The following ADGRV1 variants were observed in gnomAD, a reference collection of about 807,000 sequenced individuals.
The protein encoded by ADGRV1 is adhesion G protein-coupled receptor V1, also known as G-protein coupled receptor 98.
ADGRV1 carries 359 observed loss-of-function variants against 596.2 expected under a neutral mutation model. The ratio of observed to expected loss-of-function variants is 0.60; its 90% CI spans 0.55 to 0.66. The LOEUF (loss-of-function observed/expected upper bound fraction) is 0.66. Ranked by LOEUF, ADGRV1 falls within the 30% of genes least tolerant of loss-of-function variation. The pLI is 0.00. For synonymous variants in ADGRV1, 2,681 were observed against 2,679.2 expected (o/e 1.00, Z -0.02); for missense variants, 7,274 against 7,575.6 (o/e 0.96, Z 1.48).
intron 85 of ADGRV1, among the ~76,000 whole-genome samples, chr5:91,065,319 T>C (rs1295883115): frequency 6.6e-6 from 1 of 152,206 alleles, no homozygotes; most frequent in East Asian, 1.9e-4. Flanking sequence ...ATCATGACTA[T>C]TATCCTTGTC....
intron 78 of ADGRV1, among the ~76,000 whole-genome samples, chr5:90,842,511 G>C (rs1765521952): frequency 6.6e-6 from 1 of 152,122 alleles, no homozygotes; most frequent in South Asian, 2.1e-4. Flanking sequence ...TTGAGGTCAG[G>C]AGTTCAAGAC....
intron 65 of ADGRV1, among the ~76,000 whole-genome samples, chr5:90,782,117 C>A (rs1045845612): frequency 6.6e-6 from 1 of 152,040 alleles, no homozygotes; most frequent in Non-Finnish European, 1.5e-5. Flanking sequence ...GAGATGGCTG[C>A]CTTTCTAGGA....
chr5:90,952,559 T>C (rs184307017), intron 83 of ADGRV1, among the ~76,000 whole-genome samples: 1 of 152,268 alleles, frequency 6.6e-6, no homozygotes, highest in East Asian at 1.9e-4. Flanking sequence ...GATCTATAGA[T>C]ATCCAGGACA....
chr5:90,558,827 G>C lies in ADGRV1; in HGVS notation c.-69G>C. 6.7e-7 allele frequency: 1 copy of C among 1,493,208 alleles called. No individual in the cohort carries two copies. Among genetic ancestry groups the C allele is most frequent in the Non-Finnish European group, 9.2e-7 (1 of 1,092,766 alleles). The allele number at this position is 1,493,208 out of a possible 1,614,324, so 92.5% of individuals were successfully genotyped here. On this transcript the variant is annotated 5_prime_UTR_variant, in exon 1 of 90. Coordinates refer to ENST00000405460, the MANE Select transcript of ADGRV1 (RefSeq NM_032119.4). ...TAAGAATCAGCAGCGCGGGCAAGGA[G>C]TACGGACGGGAGTCAGAGGCAGAGC...
At chr5:90,968,438 G>A (rs181791376) in intron 84 of ADGRV1, among the ~76,000 whole-genome samples, 14 of 152,272 alleles carry the variant, frequency 9.2e-5, no homozygotes, top group African/African-American at 3.4e-4. Context: ...CTTTGAGTTA[G>A]GTAAATATGA....
chr5:90,613,803 G>C (rs1314039845), intron 1 of ADGRV1, among the ~76,000 whole-genome samples: 2 of 152,098 alleles, frequency 1.3e-5, no homozygotes, highest in African/African-American at 2.4e-5. Context: ...TATTTGGCGT[G>C]TCTAAGTATA....
intron 83 of ADGRV1, among the ~76,000 whole-genome samples, chr5:90,884,565 A>G (rs1363223992): frequency 6.6e-6 from 1 of 152,126 alleles, no homozygotes; most frequent in African/African-American, 2.4e-5. Context: ...GGTATGTATC[A>G]GGTGCCTATG....
intron 87 of ADGRV1, among the ~76,000 whole-genome samples, chr5:91,136,654 G>T (rs75262345): frequency 0.02 from 3,086 of 152,214 alleles, 113 homozygotes; most frequent in African/African-American, 0.07. Context: ...TATTTGAGAT[G>T]CATAAAAATC....
chr5:90,916,504 C>A (rs988458960), intron 83 of ADGRV1, among the ~76,000 whole-genome samples: 1 of 152,008 alleles, frequency 6.6e-6, no homozygotes, highest in Non-Finnish European at 1.5e-5. Context: ...CATGTGCACC[C>A]CAGGTAAAGA....
At chr5:90,972,453 T>C (rs1045125873) in intron 84 of ADGRV1, among the ~76,000 whole-genome samples, 1 of 152,168 alleles carries the variant, frequency 6.6e-6, no homozygotes, top group African/African-American at 2.4e-5. Flanking sequence ...TAGTTGGAAG[T>C]AAAGCACTCC....
intron 1 of ADGRV1, among the ~76,000 whole-genome samples, chr5:90,591,821 CA>C (rs1554054440): frequency 3.3e-5 from 5 of 152,224 alleles, no homozygotes. Context: ...GAATGGTTAA[CA>C]TAACTTAGGC....
At chr5:90,617,735 A>T in intron 2 of ADGRV1, 69 bp from the exon 3 acceptor site, 1 of 1,275,684 alleles carries the variant, frequency 7.8e-7, no homozygotes, top group Non-Finnish European at 1.1e-6. Context: ...TGATTGCTGT[A>T]ATTAACATCA....
At chr5:90,580,456 T>C (rs187897696) in intron 1 of ADGRV1, among the ~76,000 whole-genome samples, 1 of 152,176 alleles carries the variant, frequency 6.6e-6, no homozygotes, top group Admixed American at 6.5e-5. Context: ...TTTGGTCTTT[T>C]CACATAGTCC....
rs928754997 is a variant in ADGRV1, at chr5:90,627,295, G to A, written c.757G>A (p.Glu253Lys). ...GATTAACACCTCTAGGAATTCCATT[G>A]AGATCATCATTAAGAAAAATGATAG... ...AEINTSRNSI[E>K]IIIKKNDSPV... is the part of the protein sequence containing the mutation. Residue 253 changes from glutamate (E) to lysine (K), a missense_variant, in exon 7 of 90, where the codon GAG (glutamate) becomes AAG (lysine). Glu to Lys is a moderately conservative substitution (Grantham distance 56). This residue lies in a region of ADGRV1 where 1,715 missense variants were observed against 1,708.8 expected (regional missense o/e 1.00). Coordinates refer to ENST00000405460, the MANE Select transcript of ADGRV1 (RefSeq NM_032119.4). The A allele has an allele frequency of 1.9e-6, 3 of 1,612,308 alleles. No homozygotes were observed. In the East Asian group the frequency reaches 6.7e-5, roughly 36 times the overall value.
At chr5:91,105,039 T>C (rs1406825128) in intron 87 of ADGRV1, among the ~76,000 whole-genome samples, 2 of 151,898 alleles carry the variant, frequency 1.3e-5, no homozygotes, top group Non-Finnish European at 2.9e-5. Context: ...GTTTGTTTGT[T>C]TGTTTGTTTT....
rs574764143 is a variant in ADGRV1, at chr5:90,773,037, C to A, written c.12286-1149C>A. On this transcript the variant is annotated intron_variant, in intron 59 of 89. Transcript: ENST00000405460. ...ACAAAAATTAGCTGAGCATGGTTAA[C>A]GCACACCTGTAATCCTAGCTATTCG... Among the ~76,000 whole-genome samples, 167 of 152,118 alleles carry A rather than the reference C, an allele frequency of 1.1e-3. 1 individual carries two copies. The highest frequency in any genetic ancestry group is 3.9e-3 in the African/African-American group (161 of 41,492).
intron 59 of ADGRV1, among the ~76,000 whole-genome samples, chr5:90,766,526 T>G (rs1757164145): frequency 6.6e-6 from 1 of 152,046 alleles, no homozygotes; most frequent in Admixed American, 6.6e-5. Flanking sequence ...ATGTACACTT[T>G]GAAAAAAAAT....
chr5:90,979,886 T>C (rs891372698), intron 84 of ADGRV1, among the ~76,000 whole-genome samples: 3 of 152,212 alleles, frequency 2.0e-5, no homozygotes, highest in Non-Finnish European at 2.9e-5. Context: ...CTAATAATCA[T>C]GTCCTTTTGA....
intron 85 of ADGRV1, among the ~76,000 whole-genome samples, chr5:91,050,978 C>G (rs114580598): frequency 0.01 from 1,540 of 152,324 alleles, 19 homozygotes; most frequent in Non-Finnish European, 0.015. Context: ...ACCCTGGAGC[C>G]TCGAACATTT....
Sources: gnomAD v4.1 joint callset for allele counts (sites outside exome capture counted in the v4.1 genomes callset) on GRCh38, gnomAD v4.1.1 for gene constraint, gnomAD v4.1.1 regional missense constraint, MANE v1.5 for transcripts, NCBI Gene and HGNC (gene_info 2026-07-23, HGNC 2026-07-21) for gene names.